Variants in CACNA1B observed in about 807,000 individuals in gnomAD.
The protein encoded by CACNA1B is calcium voltage-gated channel subunit alpha1 B, also known as voltage-dependent N-type calcium channel subunit alpha-1B.
CACNA1B carries 70 observed loss-of-function variants against 247.2 expected under a neutral mutation model. The ratio of observed to expected loss-of-function variants is 0.28; its 90% CI spans 0.23 to 0.35. CACNA1B has a LOEUF of 0.35. CACNA1B is among the 10% of genes least tolerant of loss of function. CACNA1B has a pLI of 1.00. For synonymous variants in CACNA1B, 1,231 were observed against 1,294.4 expected (o/e 0.95, Z 1.05); for missense variants, 2,367 against 3,197.4 (o/e 0.74, Z 6.26).
At chr9:137,984,309 G>A in intron 13 of CACNA1B, 59 bp downstream of exon 13, 1 of 1,205,306 alleles carries the variant, frequency 8.3e-7, no homozygotes, top group Non-Finnish European at 1.2e-6. Context: ...CGTGGGATCA[G>A]CCACACAGGG....
intron 3 of CACNA1B, among the ~76,000 whole-genome samples, chr9:137,904,352 CTTTTTTTTT>C (rs11351694): frequency 3.7e-5 from 3 of 80,394 alleles, no homozygotes; most frequent in Non-Finnish European, 6.5e-5. Context: ...CTCTCTCTCT[CTTTTTTTTT>C]TTTTTTTTTT....
chr9:138,052,296 C>T lies in CACNA1B; in HGVS notation c.3807+108C>T, dbSNP rs1959320698. On this transcript the variant is annotated intron_variant, in intron 25 of 46. Transcript: ENST00000371372. This position sits in a 1 kb window ranked among gnomAD's most constrained non-coding sequence, Gnocchi z 5.1. ...CAGTGCATGAGTGTGTGTGTGTTCA[C>T]ATCACACCCCTGTGTGAGGGGGTTG... is the stretch of plus-strand genomic sequence containing the variant. 4.6e-6 allele frequency: 3 copies of T among 651,440 alleles called. No homozygotes were observed. In the Admixed American group the frequency reaches 6.7e-5, roughly 15 times the overall value. 40.4% of individuals were successfully genotyped at this position (651,440 alleles called of 1,614,324 possible).
At chr9:138,092,125 G>C (rs1282970254) in intron 36 of CACNA1B, among the ~76,000 whole-genome samples, 2 of 152,226 alleles carry the variant, frequency 1.3e-5, no homozygotes, top group African/African-American at 4.8e-5. Flanking sequence ...AATTACTGAT[G>C]AGGTTCCATG....
Position 137,929,739 on chromosome 9 carries a change from A to G in CACNA1B, c.966+12308A>G, listed in dbSNP as rs1479734065. Among the ~76,000 whole-genome samples, 7 of 151,942 alleles carry G rather than the reference A, an allele frequency of 4.6e-5. No individual in the cohort carries two copies. In the East Asian group the frequency reaches 1.4e-3, roughly 30 times the overall value. ...ATGGTCATAGCTCACTGTAGCCTCA[A>G]TTTCCTGGGCTCAAGTAATCCTCCC... On this transcript the variant is annotated intron_variant, in intron 6 of 46. Transcript: ENST00000371372.
intron 3 of CACNA1B, among the ~76,000 whole-genome samples, chr9:137,905,372 T>C (rs1957287426): frequency 6.6e-6 from 1 of 152,062 alleles, no homozygotes; most frequent in East Asian, 1.9e-4. Flanking sequence ...AAAAAAACTT[T>C]TAGATTCAAC....
intron 2 of CACNA1B, 43 bp downstream of exon 2, chr9:137,879,202 C>A (rs769992329): frequency 1.6e-6 from 2 of 1,255,034 alleles, no homozygotes; most frequent in South Asian, 2.5e-5. Context: ...GTGGGGAGGC[C>A]GCGACTCCAC....
intron 21 of CACNA1B, 122 bp downstream of exon 21, chr9:138,044,022 C>A: frequency 7.6e-7 from 1 of 1,318,592 alleles, no homozygotes; most frequent in South Asian, 1.4e-5. Flanking sequence ...GGCTCTAAAT[C>A]CCATGGCAGA....
chr9:137,993,309 T>A (rs1172700483), intron 15 of CACNA1B, among the ~76,000 whole-genome samples: 1 of 152,052 alleles, frequency 6.6e-6, no homozygotes. Flanking sequence ...TTTATCTATC[T>A]AGATAGATAA....
At chr9:137,909,054 A>C (rs1252439387) in intron 3 of CACNA1B, among the ~76,000 whole-genome samples, 1 of 130,634 alleles carries the variant, frequency 7.7e-6, no homozygotes, top group Non-Finnish European at 1.7e-5. Flanking sequence ...GCAATGGTGC[A>C]ATCTCGGCTC....
chr9:137,907,357 C>T (rs1452986674), intron 3 of CACNA1B, among the ~76,000 whole-genome samples: 1 of 152,156 alleles, frequency 6.6e-6, no homozygotes, highest in Non-Finnish European at 1.5e-5. Flanking sequence ...AACAGGGCTA[C>T]CCCAGAATGT....
In CACNA1B at chr9:138,072,181, TATC is replaced by T. The variant is rs759278748; in HGVS notation, c.4675-1304_4675-1302del. ...CGTCCTTGTGCCCACTGGCCATGGATATCATTCAAAACCAGTCCTGCTCCCACA... is the reference window on the plus strand; with the variant it reads ...CGTCCTTGTGCCCACTGGCCATGGATATTCAAAACCAGTCCTGCTCCCACA... On this transcript the variant is annotated intron_variant, in intron 32 of 46. Coordinates refer to ENST00000371372, the MANE Select transcript of CACNA1B (RefSeq NM_000718.4). This position sits in a 1 kb window ranked among gnomAD's most constrained non-coding sequence, Gnocchi z 4.5. 1.3e-5 allele frequency among the ~76,000 whole-genome samples: 2 copies of T among 152,164 alleles called. No homozygotes were observed. Among genetic ancestry groups the T allele is most frequent in the Non-Finnish European group, 2.9e-5 (2 of 68,028 alleles).
intron 37 of CACNA1B, among the ~76,000 whole-genome samples, chr9:138,096,882 T>A (rs1961074045): frequency 1.3e-5 from 2 of 149,926 alleles, no homozygotes; most frequent in Admixed American, 1.3e-4. Flanking sequence ...CCTTGGGAGG[T>A]ACCAGGAGTC....
rs984520962 is a variant in CACNA1B at position 138,007,492 on chromosome 9, G to A, written c.2092+608G>A. ...TACAGCATTCGTGGTATAGGCAAGGGTGAGGGCTATGACAGGCAGTGTGAG... is the reference window on the plus strand; with the variant it reads ...TACAGCATTCGTGGTATAGGCAAGGATGAGGGCTATGACAGGCAGTGTGAG... On this transcript the variant is annotated intron_variant, in intron 16 of 46. Coordinates refer to ENST00000371372, the MANE Select transcript of CACNA1B (RefSeq NM_000718.4). This position sits in a 1 kb window ranked among gnomAD's most constrained non-coding sequence, Gnocchi z 4.1. Among the ~76,000 whole-genome samples the A allele has an allele frequency of 2.0e-5, 3 of 152,180 alleles. No individual in the cohort carries two copies. Among genetic ancestry groups the A allele is most frequent in the Non-Finnish European group, 4.4e-5 (3 of 68,026 alleles).
At position 137,913,578 on chromosome 9, in the gene CACNA1B, G is replaced by T. The variant is rs1475110831; in HGVS notation, c.622+307G>T. Among the ~76,000 whole-genome samples the T allele has an allele frequency of 2.6e-5, 4 of 152,238 alleles. No individual in the cohort carries two copies. Among genetic ancestry groups the T allele is most frequent in the Non-Finnish European group, 4.4e-5 (3 of 68,040 alleles). Reference sequence around the variant, plus strand: ...GCTTCTTTTTCTGAGGGTAAAGAATGGATGAGAGGTTGACCAAGGTGGTGG... The same window carrying T: ...GCTTCTTTTTCTGAGGGTAAAGAATTGATGAGAGGTTGACCAAGGTGGTGG... On this transcript the variant is annotated intron_variant, in intron 4 of 46. Transcript: ENST00000371372. The surrounding 1 kb of genome is among the most constrained non-coding windows in gnomAD (Gnocchi z 5.2).
chr9:137,946,208 T>C (rs1046425994), intron 6 of CACNA1B, among the ~76,000 whole-genome samples: 5 of 152,216 alleles, frequency 3.3e-5, no homozygotes, highest in African/African-American at 1.2e-4. Flanking sequence ...AAATCTCTTT[T>C]ATGTATAAAC....
At chr9:138,095,597 C>T (rs1961027705) in intron 36 of CACNA1B, among the ~76,000 whole-genome samples, 1 of 152,100 alleles carries the variant, frequency 6.6e-6, no homozygotes, top group Admixed American at 6.6e-5. Context: ...TACCATATGA[C>T]CCAGTAATTT....
rs1485288565 is a variant in CACNA1B at position 138,007,039 on chromosome 9, G to T, written c.2092+155G>T. 6.6e-6 allele frequency among the ~76,000 whole-genome samples: 1 copy of T among 151,896 alleles called. No homozygotes were observed. Among genetic ancestry groups the T allele is most frequent in the Admixed American group, 6.6e-5 (1 of 15,262 alleles). On this transcript the variant is annotated intron_variant, in intron 16 of 46. Transcript: ENST00000371372. This position sits in a 1 kb window ranked among gnomAD's most constrained non-coding sequence, Gnocchi z 4.1. ...GCAGATGGAGAACATTCTGCAGGTG[G>T]CCGGAGCGCAGGGCTCTGGAGGCTT...
Position 137,880,016 on chromosome 9 carries a change from G to A in CACNA1B, c.390+857G>A, listed in dbSNP as rs954755729. Among the ~76,000 whole-genome samples the A allele has an allele frequency of 1.3e-5, 2 of 152,208 alleles. No homozygotes were observed. The highest frequency in any genetic ancestry group is 1.9e-4 in the East Asian group (1 of 5,192). On this transcript the variant is annotated intron_variant, in intron 2 of 46. Coordinates refer to ENST00000371372, the MANE Select transcript of CACNA1B (RefSeq NM_000718.4). This position sits in a 1 kb window ranked among gnomAD's most constrained non-coding sequence, Gnocchi z 4.8. Reference sequence around the variant, plus strand: ...GCCCAGGGGGTGCGGGGCCAGAGGCGTCCAGGAGACGGCCTCTCTGGGGTG... The same window carrying A: ...GCCCAGGGGGTGCGGGGCCAGAGGCATCCAGGAGACGGCCTCTCTGGGGTG...
At chr9:137,987,035 C>T (rs1288612734) in intron 15 of CACNA1B, among the ~76,000 whole-genome samples, 181 bp downstream of exon 15, 1 of 152,226 alleles carries the variant, frequency 6.6e-6, no homozygotes, top group Non-Finnish European at 1.5e-5. Flanking sequence ...TGCAGATCTC[C>T]AGGTCCGGGG....
Sources: allele counts gnomAD v4.1 joint callset (sites outside exome capture counted in the v4.1 genomes callset), GRCh38; gene constraint gnomAD v4.1.1; non-coding constraint Gnocchi (gnomAD v3.1); transcripts MANE v1.5; gene names NCBI Gene and HGNC (gene_info 2026-07-23, HGNC 2026-07-21).